The following NTRK3 variants were observed in gnomAD, a reference collection of about 807,000 sequenced individuals.
The protein encoded by NTRK3 is neurotrophic receptor tyrosine kinase 3, also known as NT-3 growth factor receptor.
Under a neutral mutation model 91.7 loss-of-function variants are expected in NTRK3, and 24 were observed. The ratio of observed to expected loss-of-function variants is 0.26; its 90% confidence interval spans 0.19 to 0.37. The LOEUF is 0.37. Ranked by LOEUF, NTRK3 falls within the 10% of genes least tolerant of loss-of-function variation. The pLI, the probability that NTRK3 is intolerant of heterozygous loss-of-function variation, is 1.00. For synonymous variants in NTRK3, 483 were observed against 404.0 expected, an observed-to-expected ratio of 1.20 and a Z score of -2.34; for missense variants, 880 against 1,068.9, an observed-to-expected ratio of 0.82 and a Z score of 2.46.
chr15:87,863,990 C>T (rs201081890), exon 19 of NTRK3: 127 of 222,022 alleles, frequency 5.7e-4, no homozygotes, highest in East Asian at 1.5e-3. Flanking sequence ...CACACACACA[C>T]ACATACACAC....
At chr15:87,926,030 T>C (rs1317381699) in intron 17 of NTRK3, among the ~76,000 whole-genome samples, 1 of 152,246 alleles carries the variant, frequency 6.6e-6, no homozygotes, top group Non-Finnish European at 1.5e-5. Context: ...AATATTTTTG[T>C]TCTCACTTTA....
At chr15:88,083,868 A>G (rs1258589488) in intron 13 of NTRK3, among the ~76,000 whole-genome samples, 1 of 152,190 alleles carries the variant, frequency 6.6e-6, no homozygotes, top group Non-Finnish European at 1.5e-5. Context: ...CGGTAGGGAA[A>G]GTTGGGGAGG....
intron 17 of NTRK3, among the ~76,000 whole-genome samples, chr15:87,904,224 C>A (rs1054018422): frequency 1.3e-5 from 2 of 150,720 alleles, no homozygotes; most frequent in South Asian, 4.2e-4. Context: ...AATCTCAGCT[C>A]GCTGCAACCT....
chr15:88,004,737 G>A (rs1264580316), intron 14 of NTRK3, among the ~76,000 whole-genome samples: 3 of 152,190 alleles, frequency 2.0e-5, no homozygotes, highest in Non-Finnish European at 4.4e-5. Flanking sequence ...GGGAGAGTGT[G>A]AGAGGCCAAA....
intron 14 of NTRK3, among the ~76,000 whole-genome samples, chr15:88,014,698 C>T (rs1219601295): frequency 1.3e-5 from 2 of 152,232 alleles, no homozygotes; most frequent in South Asian, 2.1e-4. Context: ...CAGGCTCTCT[C>T]AGGTGCTCAA....
chr15:88,165,337 A>C (rs1235485994), intron 5 of NTRK3, among the ~76,000 whole-genome samples: 1 of 152,210 alleles, frequency 6.6e-6, no homozygotes, highest in Non-Finnish European at 1.5e-5. Context: ...TGAATGGCTC[A>C]ATTTTCCTAA....
At chr15:87,928,887 A>T (rs1390043968) in intron 17 of NTRK3, 1 of 565,214 alleles carries the variant, frequency 1.8e-6, no homozygotes, top group South Asian at 2.1e-5. Context: ...ATATACATGT[A>T]TGAGTATGTT....
At position 88,234,155 on chromosome 15, in the gene NTRK3, G is replaced by C. The variant is rs1034952204; in HGVS notation, c.248+21751C>G. ...CAGCCTGGACCTTCAGTCAGGAGAC[G>C]ATGGACAGCACCCTAGTCCAATCAC... is the stretch of plus-strand genomic sequence containing the variant. On this transcript the variant is annotated intron_variant, in intron 3 of 18. Transcript: ENST00000394480. The surrounding 1 kb of genome is among the most constrained non-coding windows in gnomAD (Gnocchi z 6.1). Among the ~76,000 whole-genome samples, 19 of 151,952 alleles carry C rather than the reference G, an allele frequency of 1.3e-4. No homozygotes were observed. Among genetic ancestry groups the C allele is most frequent in the Admixed American group, 1.2e-3 (19 of 15,260 alleles).
intron 13 of NTRK3, among the ~76,000 whole-genome samples, chr15:88,106,143 C>T (rs942264014): frequency 6.6e-6 from 1 of 152,236 alleles, no homozygotes; most frequent in African/African-American, 2.4e-5. Flanking sequence ...AAAGCTGTGT[C>T]CCTCAGGCCT....
intron 3 of NTRK3, among the ~76,000 whole-genome samples, chr15:88,228,510 G>T (rs1403521457): frequency 6.6e-6 from 1 of 152,110 alleles, no homozygotes; most frequent in East Asian, 1.9e-4. Context: ...TGTGGTAATT[G>T]CTGCCCCTTC....
intron 17 of NTRK3, 78 bp from the exon 19 acceptor site, chr15:87,880,506 A>G (rs2065180938): frequency 6.8e-7 from 1 of 1,470,562 alleles, no homozygotes; most frequent in African/African-American, 1.4e-5. Flanking sequence ...CTCTTCACAC[A>G]TAGATGCACT....
At chr15:87,893,168 C>T (rs2065932938) in intron 17 of NTRK3, among the ~76,000 whole-genome samples, 1 of 152,134 alleles carries the variant, frequency 6.6e-6, no homozygotes, top group Admixed American at 6.5e-5. Context: ...AGTCCTGCTC[C>T]TCTTGTCTTT....
intron 14 of NTRK3, among the ~76,000 whole-genome samples, chr15:88,002,707 C>T (rs1271030038): frequency 2.2e-5 from 3 of 139,484 alleles, no homozygotes; most frequent in East Asian, 4.1e-4. Context: ...AAAAAAAAAA[C>T]CTTGCTAGAA....
chr15:87,907,023 G>A lies in NTRK3; in HGVS notation c.2133+22168C>T, dbSNP rs2066809889. ...CCAAGAAAGGTCTAAATTTATGCCT[G>A]TAGCTCCTATTTAATTATTAATAAC... On this transcript the variant is annotated intron_variant, in intron 17 of 18. Coordinates refer to ENST00000394480, the Ensembl canonical transcript of NTRK3. 2.6e-5 allele frequency among the ~76,000 whole-genome samples: 4 copies of A among 152,164 alleles called. No homozygotes were observed. The South Asian group carries it at 8.3e-4, about 31-fold the overall frequency.
chr15:88,042,728 A>G (rs1238974742), intron 13 of NTRK3, among the ~76,000 whole-genome samples: 1 of 152,210 alleles, frequency 6.6e-6, no homozygotes, highest in East Asian at 1.9e-4. Flanking sequence ...GGGTATTTGG[A>G]CTCAGCTTCC....
At chr15:88,232,877 C>A (rs987189407) in intron 3 of NTRK3, among the ~76,000 whole-genome samples, 1 of 152,138 alleles carries the variant, frequency 6.6e-6, no homozygotes, top group African/African-American at 2.4e-5. Flanking sequence ...ATGTCACTAC[C>A]CCCACACACC....
intron 13 of NTRK3, among the ~76,000 whole-genome samples, chr15:88,054,343 T>C (rs898061252): frequency 6.6e-6 from 1 of 152,182 alleles, no homozygotes; most frequent in Non-Finnish European, 1.5e-5. Flanking sequence ...CTGATCTAAG[T>C]GTCCTCTGCT....
intron 14 of NTRK3, among the ~76,000 whole-genome samples, chr15:88,010,606 C>T (rs1174039630): frequency 6.6e-6 from 1 of 151,812 alleles, no homozygotes; most frequent in Non-Finnish European, 1.5e-5. Flanking sequence ...GATTTTATTC[C>T]TAAAAGCAAT....
chr15:87,874,210 C>CTT (rs558697890), exon 19 of NTRK3: 748 of 200,420 alleles, frequency 3.7e-3, no homozygotes, highest in East Asian at 6.5e-3. Flanking sequence ...CAAAATAAAT[C>CTT]TTTTTTTTTT....
Sources: allele counts gnomAD v4.1 joint callset (sites outside exome capture counted in the v4.1 genomes callset), GRCh38; gene constraint gnomAD v4.1.1; non-coding constraint Gnocchi (gnomAD v3.1); transcripts MANE v1.5; gene names NCBI Gene and HGNC (gene_info 2026-07-23, HGNC 2026-07-21).